Variants in CSMD1 observed in about 807,000 individuals in gnomAD.
CSMD1 encodes CUB and Sushi multiple domains 1.
Under a neutral mutation model 417.5 loss-of-function variants are expected in CSMD1, and 213 were observed. The ratio of observed to expected loss-of-function variants is 0.51; its 90% confidence interval spans 0.46 to 0.57. The LOEUF (loss-of-function observed/expected upper bound fraction) is 0.57. CSMD1 is among the 20% of genes least tolerant of loss of function. The pLI, the probability that CSMD1 is intolerant of heterozygous loss-of-function variation, is 0.00. For missense variants in CSMD1, 6,923 were observed against 4,529.7 expected, an observed-to-expected ratio of 1.53 and a Z score of -15.17; for synonymous variants, 2,862 against 1,736.8, an observed-to-expected ratio of 1.65 and a Z score of -16.11.
chr8:3,635,244 G>T (rs768681641), intron 7 of CSMD1, among the ~76,000 whole-genome samples: 7 of 152,002 alleles, frequency 4.6e-5, no homozygotes, highest in African/African-American at 1.7e-4. Flanking sequence ...CAGAATCCTA[G>T]GTGGGTGGAT....
chr8:4,774,469 G>C (rs948040761), intron 1 of CSMD1, among the ~76,000 whole-genome samples: 1 of 152,106 alleles, frequency 6.6e-6, no homozygotes, highest in East Asian at 1.9e-4. Flanking sequence ...GCCATTTAGA[G>C]TAATATGCTT....
intron 10 of CSMD1, among the ~76,000 whole-genome samples, chr8:3,562,991 C>G (rs1430768062): frequency 6.6e-6 from 1 of 151,588 alleles, no homozygotes; most frequent in Non-Finnish European, 1.5e-5. Flanking sequence ...AAACTCTTCA[C>G]AAGATAATAT....
At chr8:3,652,155 C>T (rs568991012) in intron 7 of CSMD1, among the ~76,000 whole-genome samples, 1 of 151,580 alleles carries the variant, frequency 6.6e-6, no homozygotes, top group Admixed American at 6.6e-5. Context: ...GCGCTTACCA[C>T]CATCAGAGCG....
chr8:4,376,041 T>C lies in CSMD1; in HGVS notation c.415+43912A>G, dbSNP rs1178768398. On this transcript the variant is annotated intron_variant, in intron 3 of 69. Transcript: ENST00000635120. ...GTGGAAAATGCCCGTCTTTAAGTCTTGATATCTATACTGAAGCTAGAGAAG... is the reference window on the plus strand; with the variant it reads ...GTGGAAAATGCCCGTCTTTAAGTCTCGATATCTATACTGAAGCTAGAGAAG... 3.9e-5 allele frequency among the ~76,000 whole-genome samples: 6 copies of C among 152,188 alleles called. No homozygotes were observed. The East Asian group carries it at 1.2e-3, about 29-fold the overall frequency.
At position 3,057,247 on chromosome 8, in the gene CSMD1, T is replaced by C. The variant is rs144486446; in HGVS notation, c.7475-4600A>G. On this transcript the variant is annotated intron_variant, in intron 49 of 69. Coordinates refer to ENST00000635120, the MANE Select transcript of CSMD1 (RefSeq NM_033225.6). ...ATTGAATTTCATAAAAACATCATCA[T>C]CTTAATGGTTATTTTCCTCAATTTG... is the stretch of plus-strand genomic sequence containing the variant. Among the ~76,000 whole-genome samples the C allele has an allele frequency of 1.1e-3, 167 of 152,344 alleles. 1 individual carries two copies. The highest frequency in any genetic ancestry group is 3.8e-3 in the African/African-American group (156 of 41,582).
chr8:3,018,332 G>C, intron 52 of CSMD1, 145 bp downstream of exon 52: 1 of 704,674 alleles, frequency 1.4e-6, no homozygotes, highest in Non-Finnish European at 2.3e-6. Flanking sequence ...GATACTCAAA[G>C]AAAAAATCAC....
chr8:4,212,396 C>G (rs954203822), intron 3 of CSMD1, among the ~76,000 whole-genome samples: 1 of 152,074 alleles, frequency 6.6e-6, no homozygotes, highest in Non-Finnish European at 1.5e-5. Context: ...AGATGAAAGC[C>G]ATACTTTTCA....
rs149242513 is a variant in CSMD1 at position 3,532,383 on chromosome 8, C to T, written c.1345-38657G>A. ...TCACACCAATCTGTGTGTGTATGAG[C>T]GAGTGGTGAGGATGGTGAGCTAGAA... On this transcript the variant is annotated intron_variant, in intron 10 of 69. Coordinates refer to ENST00000635120, the MANE Select transcript of CSMD1 (RefSeq NM_033225.6). Among the ~76,000 whole-genome samples the T allele has an allele frequency of 2.8e-3, 427 of 152,198 alleles. 1 individual carries two copies. The highest frequency in any genetic ancestry group is 0.017 in the South Asian group (81 of 4,816).
chr8:4,053,948 T>A (rs758605413), intron 3 of CSMD1, among the ~76,000 whole-genome samples: 2 of 152,228 alleles, frequency 1.3e-5, no homozygotes, highest in Non-Finnish European at 1.5e-5. Context: ...TATCTGTGCA[T>A]TCTTTATTAC....
At chr8:3,105,032 A>G (rs1340962867) in intron 46 of CSMD1, among the ~76,000 whole-genome samples, 1 of 152,258 alleles carries the variant, frequency 6.6e-6, no homozygotes, top group Non-Finnish European at 1.5e-5. Context: ...AAGAGGATCC[A>G]TGCACAGGTG....
At chr8:3,420,019 G>A (rs1813388799) in intron 12 of CSMD1, among the ~76,000 whole-genome samples, 1 of 152,088 alleles carries the variant, frequency 6.6e-6, no homozygotes, top group Non-Finnish European at 1.5e-5. Flanking sequence ...TGCATGAGAA[G>A]CCAATGCACA....
At chr8:4,930,069 G>T (rs1365933365) in intron 1 of CSMD1, among the ~76,000 whole-genome samples, 1 of 152,114 alleles carries the variant, frequency 6.6e-6, no homozygotes, top group East Asian at 1.9e-4. Context: ...ACAGGGCCAA[G>T]GAAAAAGAGC....
At chr8:3,229,290 T>C (rs1206179595) in intron 27 of CSMD1, among the ~76,000 whole-genome samples, 1 of 152,212 alleles carries the variant, frequency 6.6e-6, no homozygotes, top group Non-Finnish European at 1.5e-5. Flanking sequence ...CTGTGACAGT[T>C]ACTTAAAATA....
chr8:3,456,970 T>G (rs1279279865), intron 12 of CSMD1, among the ~76,000 whole-genome samples: 3 of 151,830 alleles, frequency 2.0e-5, no homozygotes, highest in Non-Finnish European at 2.9e-5. Flanking sequence ...CATCCTGCAC[T>G]TCCTCATCCC....
chr8:4,713,646 A>C (rs1323926819), intron 1 of CSMD1, among the ~76,000 whole-genome samples: 1 of 152,072 alleles, frequency 6.6e-6, no homozygotes, highest in Non-Finnish European at 1.5e-5. Context: ...AAAAAAGTGG[A>C]ACGTCTCTTA....
At chr8:3,863,447 G>A (rs1046728932) in intron 5 of CSMD1, among the ~76,000 whole-genome samples, 1 of 149,762 alleles carries the variant, frequency 6.7e-6, no homozygotes, top group Admixed American at 6.7e-5. Context: ...TAGAATCTTC[G>A]TGACTTAGTC....
Position 4,202,094 on chromosome 8 carries a change from T to TA in CSMD1, c.416-169996_416-169995insT, listed in dbSNP as rs1284485371. On this transcript the variant is annotated intron_variant, in intron 3 of 69. Transcript: ENST00000635120. Reference sequence around the variant, plus strand: ...TGCCTCTCAGTTTAAGAGTAAATTTTGTTTTTTTGTTAGTTTTTTTTTCTA... The same window carrying TA: ...TGCCTCTCAGTTTAAGAGTAAATTTTAGTTTTTTTGTTAGTTTTTTTTTCTA... Among the ~76,000 whole-genome samples, 33 of 55,326 alleles carry TA rather than the reference T, an allele frequency of 6.0e-4. No homozygotes were observed. In the East Asian group the frequency reaches 0.021, roughly 35 times the overall value. The allele number at this position is 55,326 out of a possible 152,430, so 36.3% of individuals were successfully genotyped here.
intron 2 of CSMD1, among the ~76,000 whole-genome samples, chr8:4,636,971 C>G (rs186483581): frequency 1.3e-5 from 2 of 152,052 alleles, no homozygotes; most frequent in Non-Finnish European, 2.9e-5. Context: ...TCAGCAGGAT[C>G]GTAAAAGTAG....
chr8:3,381,548 AT>A (rs1456668743), intron 18 of CSMD1, among the ~76,000 whole-genome samples: 3 of 152,174 alleles, frequency 2.0e-5, no homozygotes, highest in Non-Finnish European at 4.4e-5. Flanking sequence ...TATTGCAAAT[AT>A]TTTTAATATA....
Sources: allele counts gnomAD v4.1 joint callset (sites outside exome capture counted in the v4.1 genomes callset), GRCh38; gene constraint gnomAD v4.1.1; transcripts MANE v1.5; gene names NCBI Gene and HGNC (gene_info 2026-07-23, HGNC 2026-07-21).